Variants in SDK1 observed in about 807,000 individuals in gnomAD.
SDK1 encodes sidekick cell adhesion molecule 1.
Under a neutral mutation model 245.5 loss-of-function variants are expected in SDK1, and 157 were observed. That is an observed-to-expected ratio of 0.64 (90% CI 0.56 to 0.73). SDK1 has a LOEUF of 0.73. Among genes scored for constraint, SDK1 ranks in the 30% least tolerant of loss-of-function variants. SDK1 has a pLI of 0.00. For synonymous variants in SDK1, 1,647 were observed against 1,278.5 expected (o/e 1.29, Z -6.15); for missense variants, 3,583 against 3,002.3 (o/e 1.19, Z -4.52).
chr7:3,746,868 C>T (rs896488384), intron 4 of SDK1, among the ~76,000 whole-genome samples: 10 of 152,210 alleles, frequency 6.6e-5, no homozygotes, highest in Non-Finnish European at 1.2e-4. Context: ...TTTTGACCTC[C>T]TCTCATGAAT....
At chr7:4,207,868 A>G (rs79921366) in intron 36 of SDK1, among the ~76,000 whole-genome samples, 2,562 of 152,262 alleles carry the variant, frequency 0.017, 77 homozygotes, top group African/African-American at 0.059. Flanking sequence ...AGCAACAGGA[A>G]AATGTTAAAC....
At chr7:4,194,049 G>T (rs1206497317) in intron 35 of SDK1, among the ~76,000 whole-genome samples, 1 of 151,990 alleles carries the variant, frequency 6.6e-6, no homozygotes, top group Admixed American at 6.6e-5. Context: ...AGCATTTTTG[G>T]ATCTAATCAT....
At chr7:3,391,582 G>T (rs77069138) in intron 1 of SDK1, among the ~76,000 whole-genome samples, 1 of 151,386 alleles carries the variant, frequency 6.6e-6, no homozygotes, top group East Asian at 1.9e-4. Context: ...ATGTACAGTG[G>T]CACTGGCTTT....
intron 5 of SDK1, among the ~76,000 whole-genome samples, chr7:3,850,866 G>C (rs1315057264): frequency 1.3e-5 from 2 of 151,020 alleles, no homozygotes; most frequent in Non-Finnish European, 2.9e-5. Context: ...TGTGGGGTAG[G>C]GGGAGGGGGG....
chr7:3,502,604 C>G (rs930452580), intron 1 of SDK1, among the ~76,000 whole-genome samples: 2 of 152,166 alleles, frequency 1.3e-5, no homozygotes, highest in Non-Finnish European at 2.9e-5. Flanking sequence ...ATTGCACATA[C>G]AAAATTTGGA....
At chr7:3,664,515 G>T (rs958991414) in intron 4 of SDK1, among the ~76,000 whole-genome samples, 1 of 152,110 alleles carries the variant, frequency 6.6e-6, no homozygotes, top group Non-Finnish European at 1.5e-5. Context: ...GAGGTGGGTG[G>T]ATCACTTGAG....
At chr7:3,999,795 T>C (rs1784941130) in intron 14 of SDK1, among the ~76,000 whole-genome samples, 1 of 152,164 alleles carries the variant, frequency 6.6e-6, no homozygotes, top group South Asian at 2.1e-4. Context: ...GGAGAAATAG[T>C]AGATGATGTA....
chr7:3,692,639 T>G (rs974233978), intron 4 of SDK1, among the ~76,000 whole-genome samples: 1 of 152,280 alleles, frequency 6.6e-6, no homozygotes, highest in Middle Eastern at 3.4e-3. Flanking sequence ...TTTTATTTAG[T>G]CTACTAGATA....
chr7:3,467,700 C>G (rs180933849), intron 1 of SDK1, among the ~76,000 whole-genome samples: 3 of 152,094 alleles, frequency 2.0e-5, no homozygotes, highest in Admixed American at 2.0e-4. Flanking sequence ...TGATTTCTTT[C>G]CATAGTTTCT....
intron 5 of SDK1, among the ~76,000 whole-genome samples, chr7:3,863,840 G>A (rs529698178): frequency 3.9e-5 from 6 of 152,270 alleles, no homozygotes; most frequent in African/African-American, 9.6e-5. Context: ...ATTCCCTGAC[G>A]GGCGCTTGGG....
chr7:3,889,851 A>G (rs1453897870), intron 5 of SDK1, among the ~76,000 whole-genome samples: 3 of 152,188 alleles, frequency 2.0e-5, no homozygotes, highest in African/African-American at 7.2e-5. Context: ...TTCAGAGGTA[A>G]CTAGTCTCCT....
At chr7:4,003,138 T>C (rs985164525) in intron 14 of SDK1, among the ~76,000 whole-genome samples, 1 of 152,254 alleles carries the variant, frequency 6.6e-6, no homozygotes, top group African/African-American at 2.4e-5. Context: ...CCCTCACTCT[T>C]GTGTGCCTGG....
chr7:3,651,460 A>G (rs576568805), intron 4 of SDK1, among the ~76,000 whole-genome samples: 1 of 152,368 alleles, frequency 6.6e-6, no homozygotes, highest in Non-Finnish European at 1.5e-5. Context: ...AGCAGACAAT[A>G]TGCAGCTAAA....
At chr7:4,135,797 T>G (rs893590265) in intron 28 of SDK1, among the ~76,000 whole-genome samples, 38 of 152,154 alleles carry the variant, frequency 2.5e-4, no homozygotes, top group African/African-American at 9.2e-4. Context: ...AGATCGAATA[T>G]TTCATCGTTT....
intron 4 of SDK1, among the ~76,000 whole-genome samples, chr7:3,690,921 C>G (rs548675926): frequency 6.6e-6 from 1 of 152,292 alleles, no homozygotes; most frequent in South Asian, 2.1e-4. Flanking sequence ...GCCTGGATGT[C>G]TATAGGCATT....
chr7:3,334,466 T>C (rs1780148957), intron 1 of SDK1, among the ~76,000 whole-genome samples: 1 of 151,978 alleles, frequency 6.6e-6, no homozygotes, highest in African/African-American at 2.4e-5. Context: ...CATAGCCCCG[T>C]AGAGAGTGTG....
intron 1 of SDK1, among the ~76,000 whole-genome samples, chr7:3,415,878 G>T (rs1438111893): frequency 6.6e-6 from 1 of 151,910 alleles, no homozygotes; most frequent in Non-Finnish European, 1.5e-5. Flanking sequence ...AATGATTTTG[G>T]GAACAAGATA....
chr7:3,323,052 T>G (rs1411774969), intron 1 of SDK1, among the ~76,000 whole-genome samples: 1 of 152,126 alleles, frequency 6.6e-6, no homozygotes, highest in Non-Finnish European at 1.5e-5. Context: ...GCTGCCCATC[T>G]CGGCCTCCTA....
intron 17 of SDK1, among the ~76,000 whole-genome samples, chr7:4,027,103 G>A (rs1214829813): frequency 6.6e-6 from 1 of 152,192 alleles, no homozygotes; most frequent in Non-Finnish European, 1.5e-5. Context: ...CTCCCCCACT[G>A]GCTGCTCGGC....
Sources: allele counts gnomAD v4.1 joint callset (sites outside exome capture counted in the v4.1 genomes callset), GRCh38; gene constraint gnomAD v4.1.1; transcripts MANE v1.5; gene names NCBI Gene and HGNC (gene_info 2026-07-23, HGNC 2026-07-21).